Variants in CMKLR2 observed in about 807,000 individuals in gnomAD.
CMKLR2 encodes the protein chemerin-like receptor 2.
CMKLR2 carries 18 observed loss-of-function variants against 23.0 expected under a neutral mutation model. The ratio of observed to expected loss-of-function variants is 0.78; its 90% CI spans 0.54 to 1.16. CMKLR2 has a LOEUF of 1.16. Ranked by LOEUF, CMKLR2 falls within the 50% of genes most tolerant of loss-of-function variation. The probability of loss-of-function intolerance (pLI) is 0.00; values close to 1 mark genes in which losing one functional copy is unlikely to be tolerated. For synonymous variants in CMKLR2, 158 were observed against 158.9 expected (o/e 0.99, Z 0.05); for missense variants, 401 against 412.7 (o/e 0.97, Z 0.25).
intron 1 of CMKLR2, among the ~76,000 whole-genome samples, chr2:206,191,784 C>T (rs1688756481): frequency 6.6e-6 from 1 of 150,724 alleles, no homozygotes; most frequent in African/African-American, 2.4e-5. Context: ...TCCTCTACCT[C>T]AGCCACCCGC....
intron 1 of CMKLR2, among the ~76,000 whole-genome samples, chr2:206,202,465 T>TC (rs1356744750): frequency 6.6e-6 from 1 of 152,190 alleles, no homozygotes; most frequent in African/African-American, 2.4e-5. Flanking sequence ...GTGTGTTTTT[T>TC]CCCTTTGTTT....
At chr2:206,199,792 T>C (rs1333085337) in intron 1 of CMKLR2, among the ~76,000 whole-genome samples, 2 of 151,792 alleles carry the variant, frequency 1.3e-5, no homozygotes, top group Non-Finnish European at 2.9e-5. Context: ...GATGGGGTTT[T>C]GTCATGTTGG....
At chr2:206,191,399 G>A (rs1356223566) in intron 1 of CMKLR2, among the ~76,000 whole-genome samples, 1 of 152,188 alleles carries the variant, frequency 6.6e-6, no homozygotes, top group Non-Finnish European at 1.5e-5. Flanking sequence ...AAGGCAGAGA[G>A]AGAGAGTGGG....
At chr2:206,208,416 T>C (rs1468948117) in intron 1 of CMKLR2, among the ~76,000 whole-genome samples, 1 of 152,000 alleles carries the variant, frequency 6.6e-6, no homozygotes, top group Non-Finnish European at 1.5e-5. Context: ...GGTATATGCC[T>C]GAGAGTCCTA....
intron 1 of CMKLR2, among the ~76,000 whole-genome samples, chr2:206,188,468 G>GA (rs1300709270): frequency 6.6e-6 from 1 of 152,200 alleles, no homozygotes; most frequent in African/African-American, 2.4e-5. Flanking sequence ...AATTCTGACT[G>GA]AAATGAAGAC....
At chr2:206,216,335 TC>T (rs976792006), upstream of CMKLR2, among the ~76,000 whole-genome samples, 32 of 152,156 alleles carry the variant, frequency 2.1e-4, no homozygotes, top group African/African-American at 7.7e-4. Context: ...GCACCTGTAG[TC>T]CCCAGCTACT....
intron 1 of CMKLR2, among the ~76,000 whole-genome samples, chr2:206,178,021 A>G (rs998483989): frequency 4.6e-5 from 7 of 152,184 alleles, no homozygotes; most frequent in Non-Finnish European, 1.5e-5. Flanking sequence ...CACACCTGTA[A>G]TCCCAGCACT....
intron 1 of CMKLR2, among the ~76,000 whole-genome samples, chr2:206,210,694 C>T (rs1490461635): frequency 6.6e-6 from 1 of 152,108 alleles, no homozygotes; most frequent in Non-Finnish European, 1.5e-5. Flanking sequence ...CTCCCGAACT[C>T]AGGTGATCAG....
chr2:206,199,589 C>T lies in CMKLR2; in HGVS notation c.-29+13718G>A, dbSNP rs190744647. ...TTTATTCTTAGCCTATTTTGTATTA[C>T]GGCATTTTTTTTTTTTTCCCCCGAA... On this transcript the variant is annotated intron_variant, in intron 1 of 1. Transcript: ENST00000621141. 3.3e-5 allele frequency among the ~76,000 whole-genome samples: 5 copies of T among 150,744 alleles called. No individual in the cohort carries two copies. The East Asian group carries it at 5.9e-4, about 18-fold the overall frequency.
At chr2:206,187,857 C>A (rs1688629549) in intron 1 of CMKLR2, among the ~76,000 whole-genome samples, 1 of 151,968 alleles carries the variant, frequency 6.6e-6, no homozygotes, top group Non-Finnish European at 1.5e-5. Context: ...CTGTGGTGGG[C>A]AGTAACCAAA....
At chr2:206,196,391 A>AAAATAAATAAATAAATAAATAAAT (rs145895468) in intron 1 of CMKLR2, among the ~76,000 whole-genome samples, 77 of 151,288 alleles carry the variant, frequency 5.1e-4, no homozygotes, top group African/African-American at 1.8e-3. Context: ...AATAAAAATA[A>AAAATAAATAAATAAATAAATAAAT]AAATAAATAA....
intron 1 of CMKLR2, among the ~76,000 whole-genome samples, chr2:206,201,465 A>G (rs1157172159): frequency 6.6e-6 from 1 of 152,232 alleles, no homozygotes; most frequent in Non-Finnish European, 1.5e-5. Flanking sequence ...AAGTAAATGT[A>G]GTGTACCCCA....
chr2:206,211,651 A>G (rs1468072737), intron 1 of CMKLR2, among the ~76,000 whole-genome samples: 1 of 151,764 alleles, frequency 6.6e-6, no homozygotes, highest in Non-Finnish European at 1.5e-5. Flanking sequence ...GGACCCATTT[A>G]TGTTTCCAAA....
chr2:206,186,246 G>A (rs754438796), intron 1 of CMKLR2, among the ~76,000 whole-genome samples: 2 of 151,758 alleles, frequency 1.3e-5, no homozygotes, highest in Non-Finnish European at 2.9e-5. Context: ...TGAGTAGCTG[G>A]GACTACAGGT....
intron 1 of CMKLR2, among the ~76,000 whole-genome samples, chr2:206,211,087 G>T (rs1170324889): frequency 2.0e-5 from 3 of 152,076 alleles, no homozygotes; most frequent in African/African-American, 4.8e-5. Flanking sequence ...CTGCCAGGTT[G>T]TCTACCTCCT....
At chr2:206,200,592 A>G (rs1388738481) in intron 1 of CMKLR2, among the ~76,000 whole-genome samples, 1 of 152,224 alleles carries the variant, frequency 6.6e-6, no homozygotes, top group African/African-American at 2.4e-5. Flanking sequence ...CCAGTAATAC[A>G]ATATACCTTC....
chr2:206,190,870 G>C (rs1559088816), intron 1 of CMKLR2, among the ~76,000 whole-genome samples: 3 of 152,176 alleles, frequency 2.0e-5, no homozygotes, highest in African/African-American at 7.2e-5. Context: ...AGTTTGAAAA[G>C]AGAACACAGC....
intron 1 of CMKLR2, among the ~76,000 whole-genome samples, chr2:206,192,253 T>C (rs973705481): frequency 6.6e-6 from 1 of 151,662 alleles, no homozygotes; most frequent in Admixed American, 6.6e-5. Context: ...GTACTAGGAT[T>C]GCAAAAATGA....
chr2:206,213,612 C>A (rs1317273084), upstream of CMKLR2: 1 of 152,110 alleles, frequency 6.6e-6, no homozygotes, highest in Non-Finnish European at 1.5e-5. Context: ...GAATGGAAAC[C>A]ACTGCTACTA....
Sources: allele counts gnomAD v4.1 joint callset (sites outside exome capture counted in the v4.1 genomes callset), GRCh38; gene constraint gnomAD v4.1.1; transcripts MANE v1.5; gene names NCBI Gene and HGNC (gene_info 2026-07-23, HGNC 2026-07-21).